Variants in PDE8B observed in about 807,000 individuals in gnomAD.
PDE8B encodes the protein high affinity cAMP-specific and IBMX-insensitive 3',5'-cyclic phosphodiesterase 8B.
In PDE8B, 26 loss-of-function variants were observed where a neutral mutation model predicts 101.3. The ratio of observed to expected loss-of-function variants is 0.26; its 90% CI spans 0.19 to 0.36. PDE8B has a LOEUF of 0.36. PDE8B is among the 10% of genes least tolerant of loss of function. The pLI, the probability that PDE8B is intolerant of heterozygous loss-of-function variation, is 1.00. For synonymous variants in PDE8B, 424 were observed against 429.3 expected, an observed-to-expected ratio of 0.99 and a Z score of 0.15; for missense variants, 810 against 1,163.1, an observed-to-expected ratio of 0.70 and a Z score of 4.42.
chr5:77,321,611 T>G (rs775387541), intron 2 of PDE8B, among the ~76,000 whole-genome samples: 1 of 152,210 alleles, frequency 6.6e-6, no homozygotes, highest in Non-Finnish European at 1.5e-5. Flanking sequence ...ACTTCTTTCC[T>G]GGAGAAGGTA....
At chr5:77,406,467 G>C (rs962038529) in intron 12 of PDE8B, among the ~76,000 whole-genome samples, 8 of 152,192 alleles carry the variant, frequency 5.3e-5, no homozygotes, top group Non-Finnish European at 8.8e-5. Flanking sequence ...GAGAGGATAA[G>C]GGATGAGGGA....
chr5:77,108,039 A>G, the PDE8B span, among the ~76,000 whole-genome samples: 4 of 151,848 alleles, frequency 2.6e-5, no homozygotes, highest in South Asian at 2.1e-4. Context: ...TGTGCCTCCA[A>G]CTCCTGGGAT....
intron 10 of PDE8B, among the ~76,000 whole-genome samples, chr5:77,356,984 C>G (rs12522076): frequency 0.25 from 38,605 of 152,084 alleles, 5,465 homozygotes; most frequent in East Asian, 0.46. Context: ...GGAAAAGATA[C>G]TGTAACCAGT....
intron 14 of PDE8B, 101 bp from the exon 15 acceptor site, chr5:77,411,575 G>A: frequency 2.2e-6 from 2 of 906,154 alleles, no homozygotes; most frequent in East Asian, 5.2e-5. Flanking sequence ...CAGATTGGTT[G>A]GGTTATTCAG....
At chr5:77,372,975 C>G (rs1351982893) in intron 10 of PDE8B, among the ~76,000 whole-genome samples, 1 of 151,766 alleles carries the variant, frequency 6.6e-6, no homozygotes, top group African/African-American at 2.4e-5. Context: ...TTGCAGTGAG[C>G]TGAGATTGCA....
At chr5:77,350,561 C>T (rs1382984873) in intron 8 of PDE8B, among the ~76,000 whole-genome samples, 2 of 151,998 alleles carry the variant, frequency 1.3e-5, no homozygotes, top group African/African-American at 2.4e-5. Context: ...GAGTAACCCC[C>T]GAGAAGCCTT....
chr5:77,106,234 T>G, the PDE8B span: 1 of 152,350 alleles, frequency 6.6e-6, no homozygotes, highest in African/African-American at 2.4e-5. Flanking sequence ...TCAATAAATA[T>G]TTGCCTACAC....
At chr5:77,395,326 A>T (rs570906101) in intron 10 of PDE8B, among the ~76,000 whole-genome samples, 2 of 151,298 alleles carry the variant, frequency 1.3e-5, no homozygotes, top group Non-Finnish European at 3.0e-5. Context: ...TGTGTTAGCC[A>T]GGATGGTCTC....
At chr5:77,117,764 T>C in the PDE8B span, among the ~76,000 whole-genome samples, 20 of 152,030 alleles carry the variant, frequency 1.3e-4, no homozygotes, top group African/African-American at 4.8e-4. Context: ...AGCAATGGAG[T>C]CATATAAATC....
Position 77,426,713 on chromosome 5 carries a change from C to A in PDE8B, c.*159C>A. 1.5e-6 allele frequency: 1 copy of A among 664,724 alleles called. No homozygotes were observed. Among genetic ancestry groups the A allele is most frequent in the South Asian group, 1.7e-5 (1 of 59,094 alleles). The allele number at this position is 664,724 out of a possible 1,614,324, so 41.2% of individuals were successfully genotyped here. On this transcript the variant is annotated 3_prime_UTR_variant, in exon 22 of 22. Transcript: ENST00000264917. ...ATCATTCAAGTCCCCAAATTTCATT[C>A]TTAGAAAGTTATGTTCCATGAAGAA...
chr5:77,312,183 A>T, intron 2 of PDE8B, 130 bp downstream of exon 2: 2 of 684,262 alleles, frequency 2.9e-6, no homozygotes. Context: ...GGCTCACTGC[A>T]ACCTCTGCCT....
chr5:77,407,596 A>T (rs1793743993), intron 13 of PDE8B, 139 bp downstream of exon 13: 1 of 707,444 alleles, frequency 1.4e-6, no homozygotes, highest in African/African-American at 1.8e-5. Context: ...CATAGCAAAT[A>T]AACACCTCAT....
chr5:77,315,899 T>C (rs1193369544), intron 2 of PDE8B, among the ~76,000 whole-genome samples: 1 of 152,226 alleles, frequency 6.6e-6, no homozygotes, highest in African/African-American at 2.4e-5. Context: ...TATCTTTTTC[T>C]GTTTTTTTCT....
the PDE8B span, among the ~76,000 whole-genome samples, chr5:77,166,470 T>C: frequency 6.6e-6 from 1 of 152,058 alleles, no homozygotes; most frequent in African/African-American, 2.4e-5. Flanking sequence ...ATACTTCTCC[T>C]TGAGTGGAAG....
the PDE8B span, among the ~76,000 whole-genome samples, chr5:77,149,478 G>A: frequency 6.6e-6 from 1 of 152,112 alleles, no homozygotes; most frequent in African/African-American, 2.4e-5. Context: ...TGACAAGCTT[G>A]AGTCTTCCAA....
upstream of PDE8B, among the ~76,000 whole-genome samples, chr5:77,208,975 C>T (rs752675779): frequency 3.3e-5 from 5 of 152,136 alleles, no homozygotes; most frequent in Non-Finnish European, 5.9e-5. Flanking sequence ...GCTTGCCTCC[C>T]TCCATTCCCT....
intron 17 of PDE8B, among the ~76,000 whole-genome samples, chr5:77,414,566 G>A (rs187031568): frequency 1.7e-3 from 257 of 151,124 alleles, no homozygotes; most frequent in Non-Finnish European, 2.4e-3. Flanking sequence ...GACTACAGGC[G>A]TAGGCCACCA....
At chr5:77,319,054 T>G (rs1774442642) in intron 2 of PDE8B, among the ~76,000 whole-genome samples, 1 of 152,242 alleles carries the variant, frequency 6.6e-6, no homozygotes, top group African/African-American at 2.4e-5. Flanking sequence ...AGATTATTGC[T>G]ATCCTCAAAA....
chr5:77,254,739 C>A (rs931590138), intron 1 of PDE8B, among the ~76,000 whole-genome samples: 3 of 152,104 alleles, frequency 2.0e-5, no homozygotes. Flanking sequence ...TAACTGATTT[C>A]TTTTGTGCCT....
Sources: gnomAD v4.1 joint callset for allele counts (sites outside exome capture counted in the v4.1 genomes callset) on GRCh38, gnomAD v4.1.1 for gene constraint, MANE v1.5 for transcripts, NCBI Gene and HGNC (gene_info 2026-07-23, HGNC 2026-07-21) for gene names.